The following HMCN1 variants were observed in gnomAD, a reference collection of about 807,000 sequenced individuals.
HMCN1 encodes the protein hemicentin 1.
HMCN1 carries 321 observed loss-of-function variants against 625.9 expected under a neutral mutation model. The observed-to-expected ratio is 0.51, with a 90% CI of 0.47 to 0.56. The LOEUF is 0.56. HMCN1 is among the 20% of genes least tolerant of loss of function. HMCN1 has a pLI of 0.00. For missense variants in HMCN1, 6,588 were observed against 6,887.3 expected (o/e 0.96, Z 1.54); for synonymous variants, 2,425 against 2,417.6 (o/e 1.00, Z -0.09).
At chr1:186,154,525 A>C (rs1650871387) in intron 97 of HMCN1, among the ~76,000 whole-genome samples, 1 of 152,228 alleles carries the variant, frequency 6.6e-6, no homozygotes, top group South Asian at 2.1e-4. Flanking sequence ...CTCCATCTCC[A>C]AGCAAAGAAA....
chr1:185,863,393 C>G (rs1393579592), intron 2 of HMCN1, among the ~76,000 whole-genome samples: 1 of 152,098 alleles, frequency 6.6e-6, no homozygotes, highest in Non-Finnish European at 1.5e-5. Flanking sequence ...TCCCTTGGCC[C>G]TATAGTTATT....
At chr1:185,991,712 T>A (rs7535707) in intron 22 of HMCN1, among the ~76,000 whole-genome samples, 2,506 of 148,520 alleles carry the variant, frequency 0.017, 48 homozygotes, top group African/African-American at 0.046. Context: ...TTCTTTTTTT[T>A]AAAAAAAAAA....
At chr1:185,780,582 C>T (rs970567884) in intron 1 of HMCN1, among the ~76,000 whole-genome samples, 1 of 152,098 alleles carries the variant, frequency 6.6e-6, no homozygotes, top group Non-Finnish European at 1.5e-5. Context: ...TGTCGAAGGC[C>T]TTTTCTGCAT....
rs1337015174 is a variant in HMCN1 at position 185,949,820 on chromosome 1, T to TG, written c.1829-12694dup. Among the ~76,000 whole-genome samples, 185 of 151,616 alleles carry TG rather than the reference T, an allele frequency of 1.2e-3. 1 individual carries two copies. Among genetic ancestry groups the TG allele is most frequent in the Non-Finnish European group, 4.3e-4 (29 of 67,932 alleles). Reference sequence around the variant, plus strand: ...GTAAAGCTAATTTGCCAGTCCTGGGTGGGGCAAATCCTGGAGCTTGATGTG... The same window carrying TG: ...GTAAAGCTAATTTGCCAGTCCTGGGTGGGGGCAAATCCTGGAGCTTGATGTG... On this transcript the variant is annotated intron_variant, in intron 11 of 106. Coordinates refer to ENST00000271588, the MANE Select transcript of HMCN1 (RefSeq NM_031935.3).
intron 2 of HMCN1, among the ~76,000 whole-genome samples, chr1:185,855,079 G>A (rs74133692): frequency 0.012 from 1,759 of 152,268 alleles, 36 homozygotes; most frequent in African/African-American, 0.041. Flanking sequence ...GAGCAAGAAG[G>A]TCTGCTCAGA....
At chr1:185,936,510 T>C (rs920525045) in intron 11 of HMCN1, among the ~76,000 whole-genome samples, 1 of 152,160 alleles carries the variant, frequency 6.6e-6, no homozygotes, top group African/African-American at 2.4e-5. Flanking sequence ...AATATCTTTG[T>C]CCCTGTTTCG....
intron 4 of HMCN1, among the ~76,000 whole-genome samples, chr1:185,882,468 T>C (rs1664368207): frequency 3.3e-5 from 5 of 152,122 alleles, no homozygotes; most frequent in Admixed American, 3.3e-4. Flanking sequence ...TTACCTGTTT[T>C]ACATTTCTTT....
intron 1 of HMCN1, among the ~76,000 whole-genome samples, chr1:185,833,922 C>T (rs1661022343): frequency 6.6e-6 from 1 of 152,090 alleles, no homozygotes; most frequent in African/African-American, 2.4e-5. Context: ...TTATTATACA[C>T]ACATATACAT....
Position 186,108,475 on chromosome 1 carries a change from G to A in HMCN1, c.10867G>A (p.Ala3623Thr). 1 of 1,613,968 alleles carries A rather than the reference G, an allele frequency of 6.2e-7. No individual in the cohort carries two copies. The highest frequency in any genetic ancestry group is 1.1e-5 in the South Asian group (1 of 91,068). ...CTCACACCCAGTACCTCCTAATATTGCTGGAACTGATGAGCCCCGGGATAT... is the reference window on the plus strand; with the variant it reads ...CTCACACCCAGTACCTCCTAATATTACTGGAACTGATGAGCCCCGGGATAT... ...LVRVHVPPNI[A>T]GTDEPRDITV... The change falls in exon 71 of 107, where the codon GCT becomes ACT. Residue 3623 changes from alanine to threonine, a missense_variant. Around this residue, in one of 3 missense-constraint regions of HMCN1, gnomAD observed 4,628 missense variants for 4,853.1 expected, o/e 0.95. Coordinates refer to ENST00000271588, the MANE Select transcript of HMCN1 (RefSeq NM_031935.3).
At chr1:185,870,044 A>C (rs1031798108) in intron 4 of HMCN1, among the ~76,000 whole-genome samples, 2 of 151,642 alleles carry the variant, frequency 1.3e-5, no homozygotes, top group African/African-American at 2.4e-5. Context: ...TTTAAAAAAA[A>C]ACAATGATTA....
In HMCN1 at chr1:185,794,390, C is replaced by T. The variant is rs189416400; in HGVS notation, c.269-51636C>T. 2.7e-3 allele frequency among the ~76,000 whole-genome samples: 407 copies of T among 149,582 alleles called. 1 individual carries two copies. Among genetic ancestry groups the T allele is most frequent in the Middle Eastern group, 0.017 (5 of 288 alleles). ...GTTTATTAAGGAGTATTAACTCATA[C>T]AATCACAAGATCTCACAATAGGCCA... On this transcript the variant is annotated intron_variant, in intron 1 of 106. Transcript: ENST00000271588.
At chr1:185,972,992 T>C (rs1240143188) in intron 15 of HMCN1, among the ~76,000 whole-genome samples, 2 of 152,168 alleles carry the variant, frequency 1.3e-5, no homozygotes, top group Non-Finnish European at 2.9e-5. Context: ...TTATCACTAT[T>C]AGGTTTAAAG....
chr1:185,777,746 A>G (rs1656722024), intron 1 of HMCN1, among the ~76,000 whole-genome samples: 1 of 152,148 alleles, frequency 6.6e-6, no homozygotes, highest in African/African-American at 2.4e-5. Flanking sequence ...CACCTGGCCC[A>G]CTGTGGTTTC....
At chr1:185,793,075 G>C (rs1226306397) in intron 1 of HMCN1, among the ~76,000 whole-genome samples, 1 of 151,980 alleles carries the variant, frequency 6.6e-6, no homozygotes, top group Non-Finnish European at 1.5e-5. Flanking sequence ...GATACATTTA[G>C]GTTACTACAG....
intron 14 of HMCN1, among the ~76,000 whole-genome samples, chr1:185,969,537 A>G (rs1355414511): frequency 2.0e-5 from 3 of 152,162 alleles, no homozygotes; most frequent in East Asian, 3.9e-4. Context: ...AGTTACTTCC[A>G]TGGTCCTCAT....
chr1:186,067,202 A>G (rs1358863145), intron 49 of HMCN1, among the ~76,000 whole-genome samples: 1 of 152,114 alleles, frequency 6.6e-6, no homozygotes, highest in Non-Finnish European at 1.5e-5. Flanking sequence ...CCTGTCAGTA[A>G]TGCCCTAAAT....
At chr1:185,766,750 A>G (rs1022845957) in intron 1 of HMCN1, among the ~76,000 whole-genome samples, 3 of 152,098 alleles carry the variant, frequency 2.0e-5, no homozygotes, top group Non-Finnish European at 4.4e-5. Context: ...AGAATTCCCA[A>G]ATAGTTCCAT....
intron 1 of HMCN1, among the ~76,000 whole-genome samples, chr1:185,837,534 TTTTA>T (rs1424910347): frequency 6.6e-6 from 1 of 152,120 alleles, no homozygotes; most frequent in East Asian, 1.9e-4. Context: ...AGATTTTAAT[TTTTA>T]TTTATTTTTG....
intron 1 of HMCN1, among the ~76,000 whole-genome samples, chr1:185,794,931 A>G (rs765201046): frequency 6.6e-6 from 1 of 152,232 alleles, no homozygotes; most frequent in Non-Finnish European, 1.5e-5. Flanking sequence ...AAATTTTTAG[A>G]TTAGAACTTT....
Sources: allele counts gnomAD v4.1 joint callset (sites outside exome capture counted in the v4.1 genomes callset), GRCh38; gene constraint gnomAD v4.1.1; regional missense constraint gnomAD v4.1.1; transcripts MANE v1.5; gene names NCBI Gene and HGNC (gene_info 2026-07-23, HGNC 2026-07-21).